Variants in B4GALT3 observed in about 807,000 individuals in gnomAD.
The protein encoded by B4GALT3 is beta-1,4-galactosyltransferase 3, also known as N-acetyllactosamine synthase.
A neutral mutation model predicts 40.7 loss-of-function variants in B4GALT3; 29 were observed. That is an observed-to-expected ratio of 0.71 (90% CI 0.53 to 0.97). The LOEUF (loss-of-function observed/expected upper bound fraction) is 0.97. Among genes scored for constraint, B4GALT3 ranks in the 50% least tolerant of loss-of-function variants. The probability of loss-of-function intolerance (pLI) is 0.00; values close to 1 mark genes in which losing one functional copy is unlikely to be tolerated. For missense variants in B4GALT3, 390 were observed against 522.3 expected, an observed-to-expected ratio of 0.75 and a Z score of 2.47; for synonymous variants, 182 against 203.9, an observed-to-expected ratio of 0.89 and a Z score of 0.92.
rs1346321515 is a variant in B4GALT3 at position 161,171,516 on chromosome 1, G to A, written c.*300C>T. ...CACTCTTCTCTCCATGGAAGAGGGA[G>A]GGGCTTGGGGTCCAGCCCTGCTCCT... On this transcript the variant is annotated 3_prime_UTR_variant, in exon 8 of 8. Coordinates refer to ENST00000319769, the MANE Select transcript of B4GALT3 (RefSeq NM_003779.4). 1 of 578,358 alleles carries A rather than the reference G, an allele frequency of 1.7e-6. No homozygotes were observed. The highest frequency in any genetic ancestry group is 3.0e-5 in the East Asian group (1 of 33,170). The allele number at this position is 578,358 out of a possible 1,614,324, so 35.8% of individuals were successfully genotyped here. A position where few individuals can be genotyped will look rare whatever the true frequency, so the allele number is the denominator to read the frequency against.
rs1661431600 is a variant in B4GALT3, at chr1:161,171,534, C to T, written c.*282G>A. Reference sequence around the variant, plus strand: ...AGAGGGAGGGGCTTGGGGTCCAGCCCTGCTCCTACTCTAGGGGCAGGGACT... The same window carrying T: ...AGAGGGAGGGGCTTGGGGTCCAGCCTTGCTCCTACTCTAGGGGCAGGGACT... On this transcript the variant is annotated 3_prime_UTR_variant, in exon 8 of 8. Coordinates refer to ENST00000319769, the MANE Select transcript of B4GALT3 (RefSeq NM_003779.4). 5 of 584,730 alleles carry T rather than the reference C, an allele frequency of 8.6e-6. No individual in the cohort carries two copies. Among genetic ancestry groups the T allele is most frequent in the Non-Finnish European group, 9.0e-6 (3 of 332,804 alleles). 36.2% of individuals were successfully genotyped at this position (584,730 alleles called of 1,614,324 possible). A position where few individuals can be genotyped will look rare whatever the true frequency, so the allele number is the denominator to read the frequency against.
intron 4 of B4GALT3, 96 bp downstream of exon 4, chr1:161,174,897 T>A: frequency 7.4e-7 from 1 of 1,344,222 alleles, no homozygotes; most frequent in Non-Finnish European, 1.1e-6. Flanking sequence ...CTTCTTAAAA[T>A]TATTCTAGGG....
At chr1:161,176,258 C>T in intron 2 of B4GALT3, 176 bp downstream of exon 2, 1 of 679,250 alleles carries the variant, frequency 1.5e-6, no homozygotes, top group Non-Finnish European at 2.4e-6. Flanking sequence ...AGTAACCCTA[C>T]CACCTGTCAC....
At position 161,175,003 on chromosome 1, in the gene B4GALT3, A is replaced by C; in HGVS notation, c.479T>G (p.Val160Gly). 6.2e-7 allele frequency: 1 copy of C among 1,613,562 alleles called. No individual in the cohort carries two copies. Among genetic ancestry groups the C allele is most frequent in the Non-Finnish European group, 8.5e-7 (1 of 1,179,776 alleles). The change falls in exon 4 of 8, where the codon GTC becomes GGC. Residue 160 changes from valine (V) to glycine (G), a missense_variant. By Grantham distance (109) the Val-to-Gly change is moderately radical (BLOSUM62 -3). This residue lies in a region of B4GALT3 where 183 missense variants were observed against 223.2 expected (regional missense o/e 0.82). Transcript: ENST00000319769. ...GGAGATTGGGGGTACCTGGTGGATG[A>C]CATAGATGCCATAAGCAAGCTGCTG... ...QRQQLAYGIYVIHQAGNGTFN... is the reference protein window; with the variant it reads ...QRQQLAYGIYGIHQAGNGTFN...
In B4GALT3 at chr1:161,171,510, G is replaced by A. The variant is rs1661423730; in HGVS notation, c.*306C>T. On this transcript the variant is annotated 3_prime_UTR_variant, in exon 8 of 8. Coordinates refer to ENST00000319769, the MANE Select transcript of B4GALT3 (RefSeq NM_003779.4). Reference sequence around the variant, plus strand: ...CCAGATCACTCTTCTCTCCATGGAAGAGGGAGGGGCTTGGGGTCCAGCCCT... The same window carrying A: ...CCAGATCACTCTTCTCTCCATGGAAAAGGGAGGGGCTTGGGGTCCAGCCCT... 1 of 578,446 alleles carries A rather than the reference G, an allele frequency of 1.7e-6. No individual in the cohort carries two copies. Among genetic ancestry groups the A allele is most frequent in the South Asian group, 2.1e-5 (1 of 48,666 alleles). 35.8% of individuals were successfully genotyped at this position (578,446 alleles called of 1,614,324 possible). A position where few individuals can be genotyped will look rare whatever the true frequency, so the allele number is the denominator to read the frequency against.
At position 161,177,437 on chromosome 1, in the gene B4GALT3, C is replaced by T. The variant is rs542119695; in HGVS notation, c.-175G>A. 1.1e-4 allele frequency: 20 copies of T among 182,216 alleles called. No individual in the cohort carries two copies. Among genetic ancestry groups the T allele is most frequent in the Admixed American group, 8.8e-4 (15 of 17,012 alleles). 11.3% of individuals were successfully genotyped at this position (182,216 alleles called of 1,614,324 possible). A position where few individuals can be genotyped will look rare whatever the true frequency, so the allele number is the denominator to read the frequency against. ...AGCGCACATACCTGGTCTTTTGCTG[C>T]CTGTCGTCACCGCCACCCCAACAGC... On this transcript the variant is annotated 5_prime_UTR_variant, in exon 1 of 8. Transcript: ENST00000319769.
In B4GALT3 at chr1:161,175,011, G is replaced by A. The variant is rs1439641075; in HGVS notation, c.471C>T (p.Gly157=). Residue 157 remains glycine, a synonymous_variant, in exon 4 of 8, where the codon GGC becomes GGT. Coordinates refer to ENST00000319769, the MANE Select transcript of B4GALT3 (RefSeq NM_003779.4). ...GGGGTACCTGGTGGATGACATAGAT[G>A]CCATAAGCAAGCTGCTGGCGCTGCA... is the stretch of plus-strand genomic sequence containing the variant. ...PFLQRQQLAY[G]IYVIHQAGNG... is the part of the protein sequence containing the mutation. 5 of 1,613,606 alleles carry A rather than the reference G, an allele frequency of 3.1e-6. No homozygotes were observed. Among genetic ancestry groups the A allele is most frequent in the Admixed American group, 1.7e-5 (1 of 59,778 alleles).
At position 161,173,698 on chromosome 1, in the gene B4GALT3, A is replaced by G. The variant is rs758209293; in HGVS notation, c.710T>C (p.Val237Ala). 6.2e-7 allele frequency: 1 copy of G among 1,613,944 alleles called. No homozygotes were observed. The part of the protein sequence containing the change: ...SLPYPQYFGG[V>A]SALTPDQYLK... ...GTACTGGTCAGGAGTAAGTGCTGAG[A>G]CTCCTCCGAAGTACTGGGGGTACGG... The change falls in exon 6 of 8, where the codon GTC becomes GCC. Residue 237 changes from valine (V) to alanine (A), a missense_variant. By Grantham distance (64) the Val-to-Ala change is moderately conservative. Coordinates refer to ENST00000319769, the MANE Select transcript of B4GALT3 (RefSeq NM_003779.4).
chr1:161,176,362 A>T, intron 2 of B4GALT3, 72 bp downstream of exon 2: 2 of 495,430 alleles, frequency 4.0e-6, no homozygotes, highest in South Asian at 4.9e-5. Context: ...CATCATTCAA[A>T]TCTCATGTTC....
intron 4 of B4GALT3, among the ~76,000 whole-genome samples, chr1:161,174,523 C>T (rs1194944394): frequency 6.6e-6 from 1 of 152,080 alleles, no homozygotes; most frequent in Non-Finnish European, 1.5e-5. Flanking sequence ...AGTCATTTGA[C>T]AAATCTTGCT....
At position 161,175,200 on chromosome 1, in the gene B4GALT3, T is replaced by C; in HGVS notation, c.282A>G (p.Pro94=). The C allele has an allele frequency of 6.2e-7, 1 of 1,613,708 alleles. No homozygotes were observed. Among genetic ancestry groups the C allele is most frequent in the Non-Finnish European group, 8.5e-7 (1 of 1,179,862 alleles). ...CCACAATCTCTGCCAGTGATGGCAC[T>C]GGGCTAAAGGACACCGACACAGGAC... ...LVGPVSVSFS[P]VPSLAEIVER... The change falls in exon 4 of 8, where the codon CCA becomes CCG. Residue 94 remains proline (P), a synonymous_variant. Coordinates refer to ENST00000319769, the MANE Select transcript of B4GALT3 (RefSeq NM_003779.4).
intron 1 of B4GALT3, chr1:161,177,151 G>A: frequency 7.0e-7 from 1 of 1,422,316 alleles, no homozygotes; most frequent in Non-Finnish European, 9.5e-7. Flanking sequence ...GACAGTCAGG[G>A]GTGGCTGGAA....
Position 161,175,084 on chromosome 1 carries a change from G to A in B4GALT3, c.398C>T (p.Ala133Val). 6.2e-7 allele frequency: 1 copy of A among 1,614,056 alleles called. No individual in the cohort carries two copies. Among genetic ancestry groups the A allele is most frequent in the Non-Finnish European group, 8.5e-7 (1 of 1,179,928 alleles). ...CAGCAGGCGCAGGTGGTGCTCCCGG[G>A]CACGATGAGGCACAATGATGGCTGT... is the stretch of plus-strand genomic sequence containing the variant. ...SRTAIIVPHR[A>V]REHHLRLLLY... Residue 133 changes from alanine (A) to valine (V), a missense_variant, in exon 4 of 8, where the codon GCC becomes GTC. Around this residue, in one of 3 missense-constraint regions of B4GALT3, gnomAD observed 183 missense variants for 223.2 expected, o/e 0.82. Coordinates refer to ENST00000319769, the MANE Select transcript of B4GALT3 (RefSeq NM_003779.4).
At position 161,176,067 on chromosome 1, in the gene B4GALT3, G is replaced by A; in HGVS notation, c.-7C>T. On this transcript the variant is annotated 5_prime_UTR_variant, in exon 3 of 8. Transcript: ENST00000319769. Reference sequence around the variant, plus strand: ...CCAGCAGCCTCCGCAACATCCTGGGGGTGAGATCTAGGGAGGGAGAGGGGA... The same window carrying A: ...CCAGCAGCCTCCGCAACATCCTGGGAGTGAGATCTAGGGAGGGAGAGGGGA... The A allele has an allele frequency of 2.5e-6, 4 of 1,613,946 alleles. No homozygotes were observed. Among genetic ancestry groups the A allele is most frequent in the Non-Finnish European group, 3.4e-6 (4 of 1,179,908 alleles).
chr1:161,177,087 G>C, intron 1 of B4GALT3: 1 of 1,533,622 alleles, frequency 6.5e-7, no homozygotes, highest in Non-Finnish European at 8.7e-7. Context: ...TTCTAGCGGG[G>C]GTGGGGAGGA....
intron 4 of B4GALT3, among the ~76,000 whole-genome samples, chr1:161,174,460 G>T (rs868661137): frequency 6.6e-6 from 1 of 152,126 alleles, no homozygotes; most frequent in East Asian, 1.9e-4. Context: ...TCAAAGTGGG[G>T]TGGAGGGCAA....
intron 2 of B4GALT3, 113 bp from the exon 3 acceptor site, chr1:161,176,187 C>G: frequency 8.2e-7 from 1 of 1,222,124 alleles, no homozygotes; most frequent in South Asian, 1.4e-5. Flanking sequence ...AAGCAGAAAA[C>G]AAAGTCACAG....
chr1:161,176,235 G>A, intron 2 of B4GALT3, 161 bp from the exon 3 acceptor site: 1 of 800,302 alleles, frequency 1.2e-6, no homozygotes, highest in Non-Finnish European at 1.9e-6. Context: ...CAAGGAAACA[G>A]AATGTAACCA....
intron 5 of B4GALT3, 52 bp from the exon 6 acceptor site, chr1:161,173,779 C>A (rs1662394799): frequency 6.2e-7 from 1 of 1,611,982 alleles, no homozygotes; most frequent in African/African-American, 1.3e-5. Context: ...GACACATCCC[C>A]AACCACAATC....
Sources: gnomAD v4.1 joint callset for allele counts (sites outside exome capture counted in the v4.1 genomes callset) on GRCh38, gnomAD v4.1.1 for gene constraint, gnomAD v4.1.1 regional missense constraint, MANE v1.5 for transcripts, NCBI Gene and HGNC (gene_info 2026-07-23, HGNC 2026-07-21) for gene names.